The following TSHZ2 variants were observed in gnomAD, a reference collection of about 807,000 sequenced individuals.
The protein encoded by TSHZ2 is teashirt homolog 2.
A neutral mutation model predicts 74.4 loss-of-function variants in TSHZ2; 21 were observed. That is an observed-to-expected ratio of 0.28 (90% CI 0.20 to 0.41). TSHZ2 has a LOEUF of 0.41. TSHZ2 is among the 10% of genes least tolerant of loss of function. The pLI is 1.00. For missense variants in TSHZ2, 1,244 were observed against 1,293.5 expected (o/e 0.96, Z 0.59); for synonymous variants, 540 against 515.3 (o/e 1.05, Z -0.65).
rs1381172098 is a variant in TSHZ2, at chr20:53,200,564, G to GCCTT, written c.41-52933_41-52930dup. On this transcript the variant is annotated intron_variant, in intron 1 of 2. Transcript: ENST00000371497. ...GATATGCATTAAAGACAAGAGTGCT[G>GCCTT]CCTTCACCACTCCCATGTGGATGAG... Among the ~76,000 whole-genome samples the GCCTT allele has an allele frequency of 4.6e-5, 7 of 152,312 alleles. No individual in the cohort carries two copies. The East Asian group carries it at 1.3e-3, about 29-fold the overall frequency.
At chr20:53,292,196 A>T (rs1255353548) in intron 2 of TSHZ2, among the ~76,000 whole-genome samples, 3 of 152,132 alleles carry the variant, frequency 2.0e-5, no homozygotes, top group African/African-American at 7.2e-5. Context: ...TTCTGTCCAC[A>T]TGTTTTCTAT....
At chr20:53,274,018 C>T (rs1356980542) in intron 2 of TSHZ2, among the ~76,000 whole-genome samples, 1 of 152,214 alleles carries the variant, frequency 6.6e-6, no homozygotes, top group Non-Finnish European at 1.5e-5. Context: ...CAGTGACTCA[C>T]ACCTGTAATC....
intron 2 of TSHZ2, among the ~76,000 whole-genome samples, chr20:53,363,070 G>A (rs998988347): frequency 3.3e-5 from 5 of 152,208 alleles, no homozygotes; most frequent in African/African-American, 9.6e-5. Flanking sequence ...CAGTGAGTGG[G>A]TGGACAATAT....
chr20:53,355,425 A>G (rs1244983951), intron 2 of TSHZ2, among the ~76,000 whole-genome samples: 1 of 152,220 alleles, frequency 6.6e-6, no homozygotes, highest in Non-Finnish European at 1.5e-5. Context: ...GCTAAAGAGC[A>G]ATTAATAAAA....
intron 1 of TSHZ2, among the ~76,000 whole-genome samples, chr20:53,116,416 C>T (rs1458715647): frequency 6.6e-6 from 1 of 152,094 alleles, no homozygotes; most frequent in African/African-American, 2.4e-5. Flanking sequence ...TCTGGGTGCC[C>T]CAATGTCTTC....
chr20:53,279,645 G>C (rs1219013827), intron 2 of TSHZ2, among the ~76,000 whole-genome samples: 1 of 152,052 alleles, frequency 6.6e-6, no homozygotes, highest in Non-Finnish European at 1.5e-5. Context: ...ACTGTGCTAG[G>C]CTCCAAGGAT....
At chr20:53,275,971 C>T (rs1295978843) in intron 2 of TSHZ2, among the ~76,000 whole-genome samples, 1 of 152,186 alleles carries the variant, frequency 6.6e-6, no homozygotes, top group Non-Finnish European at 1.5e-5. Flanking sequence ...GTTAAGTCTA[C>T]ATTGTGTATA....
Position 53,021,366 on chromosome 20 carries a change from C to T in TSHZ2, c.40+48033C>T, listed in dbSNP as rs192647038. ...GAAACCATGACAATGGAACCACGTG[C>T]GCTGTGTTTAGCAAGCCTCACTGGT... On this transcript the variant is annotated intron_variant, in intron 1 of 2. Coordinates refer to ENST00000371497, the MANE Select transcript of TSHZ2 (RefSeq NM_173485.6). Among the ~76,000 whole-genome samples the T allele has an allele frequency of 3.1e-3, 470 of 152,230 alleles. 3 individuals are homozygous for T. Among genetic ancestry groups the T allele is most frequent in the Non-Finnish European group, 4.2e-3 (285 of 68,008 alleles).
intron 2 of TSHZ2, among the ~76,000 whole-genome samples, chr20:53,310,443 A>T (rs915748458): frequency 1.3e-5 from 2 of 152,200 alleles, no homozygotes; most frequent in African/African-American, 4.8e-5. Flanking sequence ...GCTTTAAACA[A>T]CATGTTTATT....
At chr20:52,982,002 A>T (rs1981585997) in intron 1 of TSHZ2, among the ~76,000 whole-genome samples, 1 of 152,208 alleles carries the variant, frequency 6.6e-6, no homozygotes, top group Non-Finnish European at 1.5e-5. Flanking sequence ...AAATTTATAA[A>T]GGAAAAGATA....
intron 1 of TSHZ2, among the ~76,000 whole-genome samples, chr20:53,136,275 C>G (rs1195261094): frequency 6.6e-6 from 1 of 152,180 alleles, no homozygotes; most frequent in Non-Finnish European, 1.5e-5. Flanking sequence ...CCCTACCTCT[C>G]AATACTGCCA....
chr20:53,175,514 C>A (rs555966888), intron 1 of TSHZ2, among the ~76,000 whole-genome samples: 3 of 152,018 alleles, frequency 2.0e-5, no homozygotes, highest in Non-Finnish European at 4.4e-5. Flanking sequence ...AGGAAACACA[C>A]CCTTGTGCTT....
chr20:53,295,133 T>A (rs1382747459), intron 2 of TSHZ2, among the ~76,000 whole-genome samples: 1 of 152,220 alleles, frequency 6.6e-6, no homozygotes, highest in African/African-American at 2.4e-5. Flanking sequence ...TAACTAATGC[T>A]TCAACAACCC....
At chr20:53,380,929 G>T (rs1165177759) in intron 2 of TSHZ2, among the ~76,000 whole-genome samples, 2 of 152,186 alleles carry the variant, frequency 1.3e-5, no homozygotes, top group East Asian at 1.9e-4. Context: ...TAAGAAAATA[G>T]ATACTATAGT....
At chr20:53,073,176 C>A (rs562686242) in intron 1 of TSHZ2, among the ~76,000 whole-genome samples, 5 of 151,060 alleles carry the variant, frequency 3.3e-5, no homozygotes, top group African/African-American at 1.2e-4. Flanking sequence ...CTTCATCCAT[C>A]TATCCCTCCA....
chr20:53,105,708 G>A (rs1411145610), intron 1 of TSHZ2, among the ~76,000 whole-genome samples: 1 of 152,038 alleles, frequency 6.6e-6, no homozygotes, highest in East Asian at 1.9e-4. Context: ...GTGCAGTGGT[G>A]CAATCACACC....
intron 1 of TSHZ2, among the ~76,000 whole-genome samples, chr20:53,129,943 T>C (rs1987056925): frequency 6.6e-6 from 1 of 151,942 alleles, no homozygotes; most frequent in African/African-American, 2.4e-5. Flanking sequence ...AACTCAGTCC[T>C]GCTTTTATAC....
intron 1 of TSHZ2, among the ~76,000 whole-genome samples, chr20:53,170,495 A>T (rs1294271493): frequency 3.9e-5 from 6 of 152,198 alleles, no homozygotes; most frequent in Admixed American, 3.9e-4. Context: ...GACGCTATTG[A>T]ACCAGATACT....
intron 1 of TSHZ2, among the ~76,000 whole-genome samples, chr20:53,051,892 A>T (rs1238130968): frequency 1.3e-5 from 2 of 152,230 alleles, no homozygotes; most frequent in African/African-American, 2.4e-5. Context: ...ACAATTGTGG[A>T]TGGATGTGAA....
Sources: allele counts gnomAD v4.1 joint callset (sites outside exome capture counted in the v4.1 genomes callset), GRCh38; gene constraint gnomAD v4.1.1; transcripts MANE v1.5; gene names NCBI Gene and HGNC (gene_info 2026-07-23, HGNC 2026-07-21).